HPSE2: variants seen among roughly 807,000 people sequenced by gnomAD.
HPSE2 encodes heparanase 2 (inactive).
Under a neutral mutation model 60.5 loss-of-function variants are expected in HPSE2, and 38 were observed. The observed-to-expected ratio is 0.63, with a 90% CI of 0.48 to 0.82. The LOEUF (loss-of-function observed/expected upper bound fraction) is 0.82. HPSE2 is among the 40% of genes least tolerant of loss of function. HPSE2 has a pLI of 0.00. For missense variants in HPSE2, 713 were observed against 740.4 expected (o/e 0.96, Z 0.43); for synonymous variants, 295 against 293.2 (o/e 1.01, Z -0.06).
At chr10:99,258,390 AATAT>A in the HPSE2 span, among the ~76,000 whole-genome samples, 3 of 147,634 alleles carry the variant, frequency 2.0e-5, no homozygotes, top group Admixed American at 6.8e-5. Flanking sequence ...TAAATGGAGT[AATAT>A]ATATATATAT....
chr10:99,229,281 T>C (rs190496613), intron 2 of HPSE2, among the ~76,000 whole-genome samples: 2 of 152,252 alleles, frequency 1.3e-5, no homozygotes, highest in South Asian at 2.1e-4. Context: ...CATTAGTACA[T>C]AACAAAAGCC....
At chr10:98,754,457 A>T (rs1949832367) in intron 3 of HPSE2, among the ~76,000 whole-genome samples, 1 of 151,976 alleles carries the variant, frequency 6.6e-6, no homozygotes, top group African/African-American at 2.4e-5. Context: ...TCCATGAAAA[A>T]TTCCCCAACC....
intron 2 of HPSE2, among the ~76,000 whole-genome samples, chr10:99,184,809 T>TAGAG (rs1847922406): frequency 2.6e-5 from 1 of 38,034 alleles, no homozygotes; most frequent in Non-Finnish European, 7.3e-5. Flanking sequence ...TATATATATA[T>TAGAG]ATATATATAT....
chr10:98,615,914 T>C (rs1945893944), intron 8 of HPSE2, among the ~76,000 whole-genome samples: 1 of 152,196 alleles, frequency 6.6e-6, no homozygotes, highest in Non-Finnish European at 1.5e-5. Flanking sequence ...CATGTGTGTG[T>C]CCAGCTTTAT....
rs144250022 is a variant in HPSE2 at position 99,135,746 on chromosome 10, C to T, written c.610+8492G>A. Among the ~76,000 whole-genome samples, 244 of 152,112 alleles carry T rather than the reference C, an allele frequency of 1.6e-3. 2 individuals carry two copies. The highest frequency in any genetic ancestry group is 6.8e-3 in the Middle Eastern group (2 of 294). On this transcript the variant is annotated intron_variant, in intron 3 of 11. Coordinates refer to ENST00000370552, the MANE Select transcript of HPSE2 (RefSeq NM_021828.5). ...AACACTAAATGCCCACAAGAGAAAG[C>T]AGGAAAGATAAAAAATTAAAACAAT...
At chr10:98,649,556 C>T (rs1237345999) in intron 6 of HPSE2, among the ~76,000 whole-genome samples, 1 of 152,118 alleles carries the variant, frequency 6.6e-6, no homozygotes, top group Non-Finnish European at 1.5e-5. Context: ...TTTCAACTGC[C>T]TTTAGTCTTG....
At chr10:98,995,276 T>C (rs1956618564) in intron 3 of HPSE2, among the ~76,000 whole-genome samples, 1 of 152,222 alleles carries the variant, frequency 6.6e-6, no homozygotes, top group South Asian at 2.1e-4. Flanking sequence ...TTTACCATCT[T>C]TAAGCCTTGG....
At chr10:98,466,606 G>A (rs1398349403) in intron 11 of HPSE2, among the ~76,000 whole-genome samples, 6 of 135,456 alleles carry the variant, frequency 4.4e-5, no homozygotes, top group Admixed American at 2.2e-4. Context: ...GTGAGACTCC[G>A]TCTCAAAAAA....
chr10:99,047,058 C>A (rs942473006), intron 3 of HPSE2, among the ~76,000 whole-genome samples: 1 of 152,010 alleles, frequency 6.6e-6, no homozygotes, highest in African/African-American at 2.4e-5. Context: ...GCATGCTACC[C>A]AACTTCAAAT....
intron 3 of HPSE2, among the ~76,000 whole-genome samples, chr10:98,819,421 CTT>C (rs34043787): frequency 7.3e-6 from 1 of 136,332 alleles, no homozygotes; most frequent in African/African-American, 2.7e-5. Flanking sequence ...TACAATCATT[CTT>C]TTTTTTTTTT....
At chr10:98,965,734 A>G (rs1955797170) in intron 3 of HPSE2, among the ~76,000 whole-genome samples, 3 of 152,298 alleles carry the variant, frequency 2.0e-5, no homozygotes, top group African/African-American at 7.2e-5. Flanking sequence ...TCTAGCACTC[A>G]TGTCTCTTAA....
At chr10:98,796,390 C>A (rs981225710) in intron 3 of HPSE2, among the ~76,000 whole-genome samples, 1 of 152,196 alleles carries the variant, frequency 6.6e-6, no homozygotes, top group Non-Finnish European at 1.5e-5. Flanking sequence ...CCTGGCAGAA[C>A]CTCCCATGGG....
intron 4 of HPSE2, among the ~76,000 whole-genome samples, chr10:98,736,206 T>C (rs1009102976): frequency 1.4e-5 from 1 of 69,190 alleles, no homozygotes; most frequent in South Asian, 1.0e-3. Context: ...GTTTCCCCTT[T>C]TGCTTGGTTT....
At chr10:98,776,895 T>C (rs1428827605) in intron 3 of HPSE2, among the ~76,000 whole-genome samples, 1 of 152,210 alleles carries the variant, frequency 6.6e-6, no homozygotes, top group African/African-American at 2.4e-5. Context: ...AGGAGATGCA[T>C]GCTAAGGGCT....
chr10:98,629,330 A>G (rs1289666765), intron 7 of HPSE2, among the ~76,000 whole-genome samples: 3 of 152,228 alleles, frequency 2.0e-5, no homozygotes, highest in Admixed American at 6.5e-5. Flanking sequence ...CTGGTCCTCT[A>G]CAGAGTTGGT....
chr10:98,874,617 G>T (rs1294937766), intron 3 of HPSE2, among the ~76,000 whole-genome samples: 1 of 151,948 alleles, frequency 6.6e-6, no homozygotes, highest in Non-Finnish European at 1.5e-5. Context: ...TCTTTTGCCT[G>T]ATTGCCCTGG....
intron 5 of HPSE2, among the ~76,000 whole-genome samples, chr10:98,718,875 C>T (rs1948853405): frequency 1.3e-5 from 2 of 152,004 alleles, no homozygotes; most frequent in South Asian, 2.1e-4. Flanking sequence ...TTCAATAGCA[C>T]AGTAGTGTGA....
intron 3 of HPSE2, among the ~76,000 whole-genome samples, chr10:99,030,182 T>C (rs1487173850): frequency 6.6e-6 from 1 of 152,246 alleles, no homozygotes; most frequent in Non-Finnish European, 1.5e-5. Flanking sequence ...TAATGATTAA[T>C]GATATTCGCA....
At chr10:98,595,164 A>ATT (rs34509249) in intron 9 of HPSE2, among the ~76,000 whole-genome samples, 1,049 of 91,674 alleles carry the variant, frequency 0.011, 46 homozygotes, top group African/African-American at 0.036. Context: ...TATAAATGAG[A>ATT]TTTTTTTTTT....
Sources: gnomAD v4.1 joint callset for allele counts (sites outside exome capture counted in the v4.1 genomes callset) on GRCh38, gnomAD v4.1.1 for gene constraint, MANE v1.5 for transcripts, NCBI Gene and HGNC (gene_info 2026-07-23, HGNC 2026-07-21) for gene names.